The following CPEB3 variants were observed in gnomAD, a reference collection of about 807,000 sequenced individuals.
CPEB3 encodes cytoplasmic polyadenylation element-binding protein 3.
CPEB3 carries 20 observed loss-of-function variants against 67.2 expected under a neutral mutation model. That is an observed-to-expected ratio of 0.30 (90% CI 0.21 to 0.43). The LOEUF is 0.43. Ranked by LOEUF, CPEB3 falls within the 20% of genes least tolerant of loss-of-function variation. The probability of loss-of-function intolerance (pLI) is 1.00; values close to 1 mark genes in which losing one functional copy is unlikely to be tolerated. For missense variants in CPEB3, 746 were observed against 968.6 expected (o/e 0.77, Z 3.05); for synonymous variants, 376 against 393.1 (o/e 0.96, Z 0.51).
At chr10:92,144,152 T>A (rs1002409798) in intron 5 of CPEB3, among the ~76,000 whole-genome samples, 4 of 152,256 alleles carry the variant, frequency 2.6e-5, no homozygotes, top group African/African-American at 9.6e-5. Flanking sequence ...GCTTTAGGCA[T>A]AAGTGAACAC....
intron 9 of CPEB3, among the ~76,000 whole-genome samples, chr10:92,077,657 G>A (rs1441323710): frequency 6.6e-6 from 1 of 152,028 alleles, no homozygotes; most frequent in Admixed American, 6.6e-5. Flanking sequence ...TATTGGAGTG[G>A]TTGAGGTGGG....
At chr10:92,188,742 A>T (rs1304749309) in intron 3 of CPEB3, among the ~76,000 whole-genome samples, 1 of 152,170 alleles carries the variant, frequency 6.6e-6, no homozygotes, top group South Asian at 2.1e-4. Flanking sequence ...AATAAATAAA[A>T]AATAAATTAG....
chr10:92,133,832 T>A (rs1845958821), intron 6 of CPEB3, among the ~76,000 whole-genome samples: 1 of 152,200 alleles, frequency 6.6e-6, no homozygotes, highest in African/African-American at 2.4e-5. Flanking sequence ...CAAGTTGGCT[T>A]CATCCCTGGG....
At chr10:92,222,787 T>A (rs1178315909) in intron 2 of CPEB3, among the ~76,000 whole-genome samples, 1 of 152,138 alleles carries the variant, frequency 6.6e-6, no homozygotes, top group Non-Finnish European at 1.5e-5. Context: ...CACCTCTGCC[T>A]CAAAGCTCAT....
intron 3 of CPEB3, among the ~76,000 whole-genome samples, chr10:92,190,427 A>G (rs1848912403): frequency 6.6e-6 from 1 of 152,010 alleles, no homozygotes; most frequent in African/African-American, 2.4e-5. Context: ...GCACTTTGGG[A>G]GGCCGAGGCA....
At chr10:92,286,214 C>A (rs569622374) in intron 1 of CPEB3, among the ~76,000 whole-genome samples, 3 of 151,956 alleles carry the variant, frequency 2.0e-5, no homozygotes, top group African/African-American at 7.3e-5. Context: ...GGATTACAGG[C>A]GTGAGCTACC....
intron 4 of CPEB3, among the ~76,000 whole-genome samples, chr10:92,150,248 C>G (rs1331602094): frequency 1.3e-5 from 2 of 151,390 alleles, no homozygotes; most frequent in African/African-American, 4.9e-5. Context: ...CCTCTGCTCT[C>G]TCTCTCTCTT....
chr10:92,139,722 C>T (rs542041980), intron 6 of CPEB3, among the ~76,000 whole-genome samples: 1 of 152,102 alleles, frequency 6.6e-6, no homozygotes, highest in Non-Finnish European at 1.5e-5. Flanking sequence ...ATGATAAATG[C>T]TTGAGGTGAT....
At chr10:92,061,777 A>G (rs1590054575) in intron 9 of CPEB3, among the ~76,000 whole-genome samples, 1 of 152,228 alleles carries the variant, frequency 6.6e-6, no homozygotes, top group African/African-American at 2.4e-5. Flanking sequence ...ATATCACAAC[A>G]GGGTGACTAT....
chr10:92,262,344 A>G (rs988046107), intron 1 of CPEB3, among the ~76,000 whole-genome samples: 2 of 152,228 alleles, frequency 1.3e-5, no homozygotes, highest in African/African-American at 4.8e-5. Context: ...CTAGGTGATA[A>G]TAACAACAAA....
chr10:92,240,295 T>C lies in CPEB3; in HGVS notation c.56A>G (p.Gln19Arg). Residue 19 changes from glutamine (Q) to arginine (R), a missense_variant, in exon 2 of 10, where the codon CAG (glutamine) becomes CGG (arginine). Around this residue, in one of 2 missense-constraint regions of CPEB3, gnomAD observed 643 missense variants for 717.5 expected, o/e 0.90. Transcript: ENST00000265997. ...TTGGGGCTGCTGCTGCTGCCGCTGC[T>C]GCTGCTGGGGCTGGGGCTGGGTTTT... Reference protein sequence around the residue: ...KSKTQPQPQQQQRQQQQPQPE... With the variant: ...KSKTQPQPQQRQRQQQQPQPE... The C allele has an allele frequency of 6.6e-7, 1 of 1,517,274 alleles. No individual in the cohort carries two copies. Among genetic ancestry groups the C allele is most frequent in the Non-Finnish European group, 8.8e-7 (1 of 1,131,402 alleles). The allele number at this position is 1,517,274 out of a possible 1,614,324, so 94.0% of individuals were successfully genotyped here. A position where few individuals can be genotyped will look rare whatever the true frequency, so the allele number is the denominator to read the frequency against.
At chr10:92,159,834 C>A (rs1847382845) in intron 4 of CPEB3, among the ~76,000 whole-genome samples, 2 of 152,290 alleles carry the variant, frequency 1.3e-5, no homozygotes, top group East Asian at 3.9e-4. Flanking sequence ...TCACTCCACA[C>A]CTTTAACTTC....
chr10:92,145,544 G>A (rs575087172), intron 4 of CPEB3, among the ~76,000 whole-genome samples: 1 of 151,630 alleles, frequency 6.6e-6, no homozygotes, highest in Non-Finnish European at 1.5e-5. Context: ...CAGGAGAATC[G>A]CTTGAACCCG....
chr10:92,271,890 G>A (rs1853322897), intron 1 of CPEB3, among the ~76,000 whole-genome samples: 1 of 152,002 alleles, frequency 6.6e-6, no homozygotes, highest in African/African-American at 2.4e-5. Context: ...TGGTGATTTC[G>A]TATTTTTATC....
chr10:92,133,901 C>A (rs1234460404), intron 6 of CPEB3, among the ~76,000 whole-genome samples: 1 of 151,940 alleles, frequency 6.6e-6, no homozygotes, highest in Non-Finnish European at 1.5e-5. Context: ...TAAACAGAAC[C>A]AACAACAACA....
intron 1 of CPEB3, among the ~76,000 whole-genome samples, chr10:92,267,581 T>G (rs944523638): frequency 1.3e-5 from 2 of 152,112 alleles, no homozygotes; most frequent in African/African-American, 2.4e-5. Context: ...CTTGGCTGTG[T>G]GTGAAGAACA....
intron 1 of CPEB3, among the ~76,000 whole-genome samples, chr10:92,245,793 T>C (rs989096502): frequency 3.9e-5 from 6 of 152,148 alleles, no homozygotes; most frequent in Admixed American, 1.3e-4. Context: ...TCCCAGCATT[T>C]TGGGAGGCCG....
intron 1 of CPEB3, chr10:92,243,098 AC>A (rs1851918163): frequency 6.6e-6 from 1 of 151,894 alleles, no homozygotes. Context: ...CCCCTCCCCC[AC>A]CACACACAAT....
At chr10:92,072,760 T>A (rs1226443983) in intron 9 of CPEB3, among the ~76,000 whole-genome samples, 1 of 152,212 alleles carries the variant, frequency 6.6e-6, no homozygotes, top group Non-Finnish European at 1.5e-5. Flanking sequence ...CCCACTTACA[T>A]ACTAATGATC....
Sources: gnomAD v4.1 joint callset for allele counts (sites outside exome capture counted in the v4.1 genomes callset) on GRCh38, gnomAD v4.1.1 for gene constraint, gnomAD v4.1.1 regional missense constraint, MANE v1.5 for transcripts, NCBI Gene and HGNC (gene_info 2026-07-23, HGNC 2026-07-21) for gene names.